The following SALL3 variants were observed in gnomAD, a reference collection of about 807,000 sequenced individuals.
The protein encoded by SALL3 is spalt like transcription factor 3.
In SALL3, 25 loss-of-function variants were observed where a neutral mutation model predicts 66.2. The ratio of observed to expected loss-of-function variants is 0.38; its 90% confidence interval spans 0.28 to 0.53. SALL3 has a LOEUF of 0.53. Ranked by LOEUF, SALL3 falls within the 20% of genes least tolerant of loss-of-function variation. SALL3 has a pLI of 0.85. For synonymous variants in SALL3, 1,152 were observed against 899.1 expected, an observed-to-expected ratio of 1.28 and a Z score of -5.03; for missense variants, 2,194 against 1,916.5, an observed-to-expected ratio of 1.14 and a Z score of -2.70.
chr18:78,980,055 TAGGCCGCCGG>T lies in SALL3; in HGVS notation c.-217_-208del, dbSNP rs1195308140. Among the ~76,000 whole-genome samples the T allele has an allele frequency of 6.9e-6, 1 of 145,362 alleles. No homozygotes were observed. The highest frequency in any genetic ancestry group is 1.5e-5 in the Non-Finnish European group (1 of 65,520). On this transcript the variant is annotated 5_prime_UTR_variant, in exon 1 of 3. Coordinates refer to ENST00000537592, the MANE Select transcript of SALL3 (RefSeq NM_171999.4). Reference sequence around the variant, plus strand: ...AATTGCGAGCGCGGCCTCATTTGCATAGGCCGCCGGAGTCCGCTGGAGCCCGGCCAATCGG... The same window carrying T: ...AATTGCGAGCGCGGCCTCATTTGCATAGTCCGCTGGAGCCCGGCCAATCGG...
chr18:78,981,332 C>G (rs1385619102), intron 1 of SALL3, among the ~76,000 whole-genome samples: 1 of 152,152 alleles, frequency 6.6e-6, no homozygotes, highest in Non-Finnish European at 1.5e-5. Context: ...GGAGGGGCGA[C>G]CCCACGACCC....
Position 78,992,263 on chromosome 18 carries a change from C to G in SALL3, c.272C>G (p.Pro91Arg), listed in dbSNP as rs35091814. The G allele has an allele frequency of 3.8e-6, 6 of 1,565,260 alleles. No individual in the cohort carries two copies. In the Admixed American group the frequency reaches 5.4e-5, roughly 14 times the overall value. ...CACGAGGACGCGCCCGCGCCGCCCC[C>G]CGAGGACTTCCCCGAGCCTTCGCCC... ...IVHEDAPAPP[P>R]EDFPEPSPAS... The change falls in exon 2 of 3, where the codon CCC becomes CGC. Residue 91 changes from proline (P) to arginine (R), a missense_variant. By Grantham distance (103) the Pro-to-Arg change is moderately radical. Coordinates refer to ENST00000537592, the MANE Select transcript of SALL3 (RefSeq NM_171999.4).
chr18:78,988,996 G>T (rs1032877959), intron 1 of SALL3, among the ~76,000 whole-genome samples: 8 of 152,070 alleles, frequency 5.3e-5, no homozygotes, highest in African/African-American at 1.9e-4. Context: ...AGGTCCAAAT[G>T]GTCACAATGA....
Position 78,992,284 on chromosome 18 carries a change from C to T in SALL3, c.293C>T (p.Ser98Leu), listed in dbSNP as rs776919388. 6.5e-5 allele frequency: 100 copies of T among 1,527,710 alleles called. No homozygotes were observed. The highest frequency in any genetic ancestry group is 8.4e-5 in the Non-Finnish European group (96 of 1,146,662). 94.6% of individuals were successfully genotyped at this position (1,527,710 alleles called of 1,614,324 possible). A position where few individuals can be genotyped will look rare whatever the true frequency, so the allele number is the denominator to read the frequency against. Residue 98 changes from serine (S) to leucine (L), a missense_variant, in exon 2 of 3, where the codon TCG becomes TTG. Transcript: ENST00000537592. ...CCCCCCGAGGACTTCCCCGAGCCTT[C>T]GCCCGCCAGCTCCCCCAGCGAGCGC... ...APPPEDFPEP[S>L]PASSPSERAE...
In SALL3 at chr18:78,992,589, G is replaced by A; in HGVS notation, c.598G>A (p.Ala200Thr). The change falls in exon 2 of 3, where the codon GCA becomes ACA. Residue 200 changes from alanine (A) to threonine (T), a missense_variant. Ala to Thr is a moderately conservative substitution (Grantham distance 58). Transcript: ENST00000537592. ...GGGAGCAGGTGGAGGCGTGGCAGCT[G>A]CAGCCGTGCCCCTGATCCTGGAACA... is the stretch of plus-strand genomic sequence containing the variant. Reference protein sequence around the residue: ...GSGAGGGVAAAAVPLILEQLM... With the variant: ...GSGAGGGVAATAVPLILEQLM... 6.6e-7 allele frequency: 1 copy of A among 1,513,812 alleles called. No individual in the cohort carries two copies. Among genetic ancestry groups the A allele is most frequent in the Non-Finnish European group, 8.8e-7 (1 of 1,138,828 alleles). The allele number at this position is 1,513,812 out of a possible 1,614,324, so 93.8% of individuals were successfully genotyped here. A position where few individuals can be genotyped will look rare whatever the true frequency, so the allele number is the denominator to read the frequency against.
chr18:78,983,720 A>G (rs1263300416), intron 1 of SALL3, among the ~76,000 whole-genome samples: 2 of 152,220 alleles, frequency 1.3e-5, no homozygotes, highest in Non-Finnish European at 2.9e-5. Context: ...CCCCCAGCAC[A>G]CTACACACAT....
Position 78,995,342 on chromosome 18 carries a change from G to A in SALL3, c.3351G>A (p.Ser1117=), listed in dbSNP as rs760869162. 4.4e-6 allele frequency: 7 copies of A among 1,573,054 alleles called. No individual in the cohort carries two copies. The highest frequency in any genetic ancestry group is 2.3e-5 in the South Asian group (2 of 87,806). ...RRTPKQHNCQ[S]CGKTFSSASA... ...CGCCCAAGCAGCACAACTGCCAGTC[G>A]TGCGGGAAGACCTTCTCCTCGGCCA... Residue 1117 remains serine (S), a synonymous_variant, in exon 2 of 3, where the codon TCG becomes TCA. Coordinates refer to ENST00000537592, the MANE Select transcript of SALL3 (RefSeq NM_171999.4).
intron 1 of SALL3, among the ~76,000 whole-genome samples, chr18:78,991,385 G>GT (rs1298243918): frequency 6.8e-5 from 4 of 58,958 alleles, no homozygotes; most frequent in South Asian, 5.1e-4. Context: ...TACAAGGGTG[G>GT]GGGGGGGGGA....
In SALL3 at chr18:78,993,971, A is replaced by C; in HGVS notation, c.1980A>C (p.Glu660Asp). ...TGCTAGACTCGATGCAAACGTCGGA[A>C]ACCTCGAAGCTGCAGCAGCTGGTGG... is the stretch of plus-strand genomic sequence containing the variant. ...GGLLDSMQTS[E>D]TSKLQQLVEN... is the part of the protein sequence containing the mutation. Residue 660 changes from glutamate (E) to aspartate (D), a missense_variant, in exon 2 of 3, where the codon GAA becomes GAC. Glu to Asp is a conservative substitution (Grantham distance 45, BLOSUM62 2). Transcript: ENST00000537592. 5.0e-6 allele frequency: 8 copies of C among 1,611,974 alleles called. No homozygotes were observed. The highest frequency in any genetic ancestry group is 6.8e-6 in the Non-Finnish European group (8 of 1,179,520).
intron 1 of SALL3, among the ~76,000 whole-genome samples, chr18:78,984,449 AGTTTT>A (rs1206265721): frequency 3.3e-5 from 5 of 149,470 alleles, no homozygotes; most frequent in Non-Finnish European, 7.4e-5. Context: ...TGTTTTTATT[AGTTTT>A]ATTTTCCTAC....
intron 1 of SALL3, among the ~76,000 whole-genome samples, chr18:78,988,017 A>C (rs1033349723): frequency 1.3e-5 from 2 of 152,232 alleles, no homozygotes; most frequent in Non-Finnish European, 2.9e-5. Context: ...ATTGGAAATA[A>C]ATTTCTCAAA....
chr18:78,987,457 G>C (rs567571881), intron 1 of SALL3, among the ~76,000 whole-genome samples: 1 of 152,180 alleles, frequency 6.6e-6, no homozygotes, highest in Admixed American at 6.5e-5. Context: ...TGAAAGGCCT[G>C]TGGGACCTTC....
At position 78,995,152 on chromosome 18, in the gene SALL3, C is replaced by T. The variant is rs772854234; in HGVS notation, c.3161C>T (p.Ser1054Phe). The T allele has an allele frequency of 1.9e-6, 3 of 1,613,584 alleles. No individual in the cohort carries two copies. The highest frequency in any genetic ancestry group is 4.5e-5 in the East Asian group (2 of 44,872). Residue 1054 changes from serine to phenylalanine, a missense_variant, in exon 2 of 3, where the codon TCC becomes TTC. Physicochemically the swap from Ser to Phe is radical, Grantham distance 155 (BLOSUM62 -2). Coordinates refer to ENST00000537592, the MANE Select transcript of SALL3 (RefSeq NM_171999.4). ...AGCCAAAGCACTCCTAGCCTGATCT[C>T]CAGCGCCGCACCCACCATGATCAAA... ...GPSQSTPSLI[S>F]SAAPTMIKME... is the part of the protein sequence containing the mutation.
Position 78,995,160 on chromosome 18 carries a change from G to A in SALL3, c.3169G>A (p.Ala1057Thr), listed in dbSNP as rs752173050. Residue 1057 changes from alanine to threonine, a missense_variant, in exon 2 of 3, where the codon GCA becomes ACA. Coordinates refer to ENST00000537592, the MANE Select transcript of SALL3 (RefSeq NM_171999.4). Reference protein sequence around the residue: ...QSTPSLISSAAPTMIKMEVNG... With the variant: ...QSTPSLISSATPTMIKMEVNG... ...CACTCCTAGCCTGATCTCCAGCGCCGCACCCACCATGATCAAAATGGAAGT... is the reference window on the plus strand; with the variant it reads ...CACTCCTAGCCTGATCTCCAGCGCCACACCCACCATGATCAAAATGGAAGT... 1.7e-5 allele frequency: 27 copies of A among 1,613,068 alleles called. No homozygotes were observed. The highest frequency in any genetic ancestry group is 5.0e-5 in the Admixed American group (3 of 60,006).
chr18:78,992,420 C>T lies in SALL3; in HGVS notation c.429C>T (p.Arg143=), dbSNP rs1467425547. 5 of 1,336,458 alleles carry T rather than the reference C, an allele frequency of 3.7e-6. No homozygotes were observed. Among genetic ancestry groups the T allele is most frequent in the Non-Finnish European group, 4.8e-6 (5 of 1,052,256 alleles). The allele number at this position is 1,336,458 out of a possible 1,614,324, so 82.8% of individuals were successfully genotyped here. A position where few individuals can be genotyped will look rare whatever the true frequency, so the allele number is the denominator to read the frequency against. ...ACGCGGAACCCGCGGGGGACACGCG[C>T]GCGCCCCGGCCCCCGCCTGCGGCCC... ...PMDAEPAGDT[R]APRPPPAAPA... is the part of the protein sequence containing the mutation. The change falls in exon 2 of 3, where the codon CGC becomes CGT. Residue 143 remains arginine, a synonymous_variant. Transcript: ENST00000537592.
At chr18:78,984,624 T>A (rs1216886171) in intron 1 of SALL3, among the ~76,000 whole-genome samples, 3 of 149,338 alleles carry the variant, frequency 2.0e-5, no homozygotes, top group Non-Finnish European at 4.5e-5. Flanking sequence ...AAACTTTTAT[T>A]TAAAAAAAAA....
At chr18:78,996,239 C>T (rs1297897770) in intron 2 of SALL3, among the ~76,000 whole-genome samples, 2 of 152,168 alleles carry the variant, frequency 1.3e-5, no homozygotes, top group Admixed American at 6.5e-5. Context: ...CTGGGTGGCT[C>T]AGGCCTGTGC....
chr18:78,981,312 A>G (rs1914062213), intron 1 of SALL3, among the ~76,000 whole-genome samples: 1 of 152,192 alleles, frequency 6.6e-6, no homozygotes. Context: ...GCGCCAGGAA[A>G]GAGGGCCGAG....
At chr18:78,987,711 A>G (rs1055967697) in intron 1 of SALL3, among the ~76,000 whole-genome samples, 1 of 152,222 alleles carries the variant, frequency 6.6e-6, no homozygotes, top group Non-Finnish European at 1.5e-5. Context: ...CTTCACGTTC[A>G]CATAGAAGCA....
Sources: allele counts gnomAD v4.1 joint callset (sites outside exome capture counted in the v4.1 genomes callset), GRCh38; gene constraint gnomAD v4.1.1; transcripts MANE v1.5; gene names NCBI Gene and HGNC (gene_info 2026-07-23, HGNC 2026-07-21).